CADPS: variants seen among roughly 807,000 people sequenced by gnomAD.
CADPS encodes the protein calcium dependent secretion activator.
CADPS carries 57 observed loss-of-function variants against 167.3 expected under a neutral mutation model. The ratio of observed to expected loss-of-function variants is 0.34; its 90% confidence interval spans 0.28 to 0.42. CADPS has a LOEUF of 0.42. Among genes scored for constraint, CADPS ranks in the 20% least tolerant of loss-of-function variants. The pLI is 1.00. For synonymous variants in CADPS, 676 were observed against 635.3 expected, an observed-to-expected ratio of 1.06 and a Z score of -0.96; for missense variants, 1,414 against 1,738.1, an observed-to-expected ratio of 0.81 and a Z score of 3.32.
intron 1 of CADPS, among the ~76,000 whole-genome samples, chr3:62,860,065 G>A (rs1194402552): frequency 6.6e-6 from 1 of 152,154 alleles, no homozygotes; most frequent in Non-Finnish European, 1.5e-5. Context: ...ACCGCTACCT[G>A]ATCCTAAGCT....
intron 3 of CADPS, among the ~76,000 whole-genome samples, chr3:62,734,648 T>G (rs1324007779): frequency 6.6e-6 from 1 of 152,224 alleles, no homozygotes; most frequent in Non-Finnish European, 1.5e-5. Flanking sequence ...TGTCCTTCTT[T>G]TTAAAATTTA....
intron 3 of CADPS, among the ~76,000 whole-genome samples, chr3:62,731,663 A>G (rs1196771172): frequency 6.6e-6 from 1 of 152,004 alleles, no homozygotes; most frequent in African/African-American, 2.4e-5. Flanking sequence ...ATAAATTGCA[A>G]TGTGAGGTAG....
At chr3:62,785,207 C>T (rs1253049280) in intron 1 of CADPS, among the ~76,000 whole-genome samples, 1 of 152,052 alleles carries the variant, frequency 6.6e-6, no homozygotes, top group Non-Finnish European at 1.5e-5. Context: ...TTGATATTTT[C>T]ATAATTTAGA....
At chr3:62,666,928 G>A (rs941033382) in intron 3 of CADPS, among the ~76,000 whole-genome samples, 1 of 152,066 alleles carries the variant, frequency 6.6e-6, no homozygotes, top group Admixed American at 6.5e-5. Flanking sequence ...CTCAGTTTCT[G>A]CATCTGCAGA....
intron 1 of CADPS, among the ~76,000 whole-genome samples, chr3:62,832,897 G>A (rs116664097): frequency 1.3e-5 from 2 of 152,132 alleles, no homozygotes; most frequent in Non-Finnish European, 2.9e-5. Context: ...ATTTGGCTCC[G>A]CTTGGATGGA....
intron 28 of CADPS, among the ~76,000 whole-genome samples, chr3:62,419,364 T>A (rs2050834888): frequency 6.6e-6 from 1 of 152,120 alleles, no homozygotes; most frequent in Non-Finnish European, 1.5e-5. Context: ...TTCATAGGCC[T>A]CCCTGTGCAC....
chr3:62,439,293 G>A (rs941326184), intron 27 of CADPS: 1 of 152,106 alleles, frequency 6.6e-6, no homozygotes, highest in African/African-American at 2.4e-5. Context: ...AAATGAGGAA[G>A]GTTTAGAAAC....
At chr3:62,403,502 G>C in intron 28 of CADPS, 2 of 181,120 alleles carry the variant, frequency 1.1e-5, no homozygotes, top group East Asian at 1.4e-4. Flanking sequence ...CTTTTTTATT[G>C]GTTAATTTTA....
intron 17 of CADPS, among the ~76,000 whole-genome samples, chr3:62,511,464 A>T (rs1463459861): frequency 6.6e-6 from 1 of 152,152 alleles, no homozygotes; most frequent in Non-Finnish European, 1.5e-5. Flanking sequence ...GTTCCCTCTT[A>T]TAAGGGATTT....
Position 62,753,715 on chromosome 3 carries a change from T to C in CADPS, c.614A>G (p.Asn205Ser), listed in dbSNP as rs756534479. The change falls in exon 3 of 30, where the codon AAC becomes AGC. Residue 205 changes from asparagine (N) to serine (S), a missense_variant. Around this residue, in one of 6 missense-constraint regions of CADPS, gnomAD observed 522 missense variants for 559.5 expected, o/e 0.93. Transcript: ENST00000383710. The surrounding 1 kb of genome is among the most constrained non-coding windows in gnomAD (Gnocchi z 4.6). ...RMVQSGGCSA[N>S]DSREVFKKHI... ...CTTCTTGAAGACCTCCCGGGAGTCG[T>C]TGGCGGAACAGCCTCCACTCTGAAC... 111 of 1,614,022 alleles carry C rather than the reference T, an allele frequency of 6.9e-5. No individual in the cohort carries two copies. Among genetic ancestry groups the C allele is most frequent in the South Asian group, 1.4e-4 (13 of 91,082 alleles).
chr3:62,500,586 T>C (rs1359342403), intron 17 of CADPS: 5 of 152,210 alleles, frequency 3.3e-5, no homozygotes, highest in African/African-American at 1.2e-4. Context: ...TGGGATATAG[T>C]GAAATAAACA....
intron 1 of CADPS, among the ~76,000 whole-genome samples, chr3:62,853,461 T>C (rs993914815): frequency 6.6e-6 from 1 of 151,092 alleles, no homozygotes; most frequent in African/African-American, 2.4e-5. Context: ...CCCTCTCTAC[T>C]AAAAATACAA....
At chr3:62,502,600 C>T (rs1285614447) in intron 17 of CADPS, among the ~76,000 whole-genome samples, 1 of 152,130 alleles carries the variant, frequency 6.6e-6, no homozygotes, top group Non-Finnish European at 1.5e-5. Context: ...TTTTGAGTAT[C>T]TCAAAACCTA....
intron 3 of CADPS, among the ~76,000 whole-genome samples, chr3:62,680,717 A>G (rs189287381): frequency 2.7e-3 from 408 of 152,114 alleles, no homozygotes; most frequent in Non-Finnish European, 4.6e-3. Context: ...CATGAAGATG[A>G]TTTTCAATTT....
intron 26 of CADPS, among the ~76,000 whole-genome samples, chr3:62,462,623 A>C (rs188815566): frequency 1.3e-5 from 2 of 152,320 alleles, no homozygotes; most frequent in African/African-American, 2.4e-5. Flanking sequence ...TAAGGAATTG[A>C]ATCAGAAATG....
chr3:62,500,992 T>C (rs1050719616), intron 17 of CADPS, among the ~76,000 whole-genome samples: 1 of 152,130 alleles, frequency 6.6e-6, no homozygotes, highest in African/African-American at 2.4e-5. Flanking sequence ...GTGTTGAAAG[T>C]CTCAGTCTAA....
chr3:62,596,445 AC>A (rs1401597625), intron 6 of CADPS, among the ~76,000 whole-genome samples: 2 of 151,830 alleles, frequency 1.3e-5, no homozygotes, highest in African/African-American at 4.8e-5. Flanking sequence ...TGATCCACCC[AC>A]CTTGGCCTCC....
At chr3:62,424,653 C>T (rs146723963) in intron 28 of CADPS, among the ~76,000 whole-genome samples, 11 of 152,108 alleles carry the variant, frequency 7.2e-5, no homozygotes, top group African/African-American at 9.6e-5. Context: ...CAAAAGTTGT[C>T]GAAACAGAAA....
chr3:62,502,843 G>A (rs1003310732), intron 17 of CADPS, among the ~76,000 whole-genome samples: 1 of 152,122 alleles, frequency 6.6e-6, no homozygotes, highest in Admixed American at 6.5e-5. Context: ...CAGGGGAGCT[G>A]CTTGGGTAGG....
Sources: allele counts gnomAD v4.1 joint callset (sites outside exome capture counted in the v4.1 genomes callset), GRCh38; gene constraint gnomAD v4.1.1; regional missense constraint gnomAD v4.1.1; non-coding constraint Gnocchi (gnomAD v3.1); transcripts MANE v1.5; gene names NCBI Gene and HGNC (gene_info 2026-07-23, HGNC 2026-07-21).